LTBP3: variants seen among roughly 807,000 people sequenced by gnomAD.
LTBP3 encodes the protein latent-transforming growth factor beta-binding protein 3.
A neutral mutation model predicts 159.7 loss-of-function variants in LTBP3; 97 were observed. The observed-to-expected ratio is 0.61, with a 90% CI of 0.52 to 0.72. LTBP3 has a LOEUF of 0.72. Among genes scored for constraint, LTBP3 ranks in the 30% least tolerant of loss-of-function variants. The pLI, the probability that LTBP3 is intolerant of heterozygous loss-of-function variation, is 0.00. For missense variants in LTBP3, 1,584 were observed against 1,864.3 expected, an observed-to-expected ratio of 0.85 and a Z score of 2.77; for synonymous variants, 824 against 777.1, an observed-to-expected ratio of 1.06 and a Z score of -1.00.
At position 65,553,450 on chromosome 11, in the gene LTBP3, C is replaced by T. The variant is rs1308443987; in HGVS notation, c.945G>A (p.Lys315=). The change falls in exon 4 of 28, where the codon AAG becomes AAA. Residue 315 remains lysine, a synonymous_variant. Coordinates refer to ENST00000301873, the MANE Select transcript of LTBP3 (RefSeq NM_001130144.3). The surrounding 1 kb of genome is among the most constrained non-coding windows in gnomAD (Gnocchi z 6.5). Reference sequence around the variant, plus strand: ...ACTGCAGCTGGGGACACTTGTGGCACTTGCTCTGGCCCCAGGCAGTGCCGA... The same window carrying T: ...ACTGCAGCTGGGGACACTTGTGGCATTTGCTCTGGCCCCAGGCAGTGCCGA... ...GSIGTAWGQS[K]CHKCPQLQYT... 6.2e-7 allele frequency: 1 copy of T among 1,612,436 alleles called. No individual in the cohort carries two copies. The highest frequency in any genetic ancestry group is 8.5e-7 in the Non-Finnish European group (1 of 1,179,924).
At chr11:65,541,497 G>A (rs1856135709) in intron 19 of LTBP3, 103 bp downstream of exon 19, 4 of 1,579,976 alleles carry the variant, frequency 2.5e-6, no homozygotes, top group African/African-American at 1.3e-5. Flanking sequence ...GATTTCTTCC[G>A]GTTCCCCAAA....
chr11:65,547,707 C>G lies in LTBP3; in HGVS notation c.1961G>C (p.Gly654Ala). 1 of 1,605,682 alleles carries G rather than the reference C, an allele frequency of 6.2e-7. No homozygotes were observed. The highest frequency in any genetic ancestry group is 8.5e-7 in the Non-Finnish European group (1 of 1,177,622). Residue 654 changes from glycine (G) to alanine (A), a missense_variant, in exon 13 of 28, where the codon GGG becomes GCG. Gly to Ala is a moderately conservative substitution (Grantham distance 60, BLOSUM62 0). Around this residue, in one of 6 missense-constraint regions of LTBP3, gnomAD observed 565 missense variants for 677.7 expected, o/e 0.83. Transcript: ENST00000301873. This position sits in a 1 kb window ranked among gnomAD's most constrained non-coding sequence, Gnocchi z 4.6. ...NRGYRLHVGAGGRSCVDLNEC... is the reference protein window; with the variant it reads ...NRGYRLHVGAAGRSCVDLNEC... ...GCGCTCACCCACGCACGAGCGCCCC[C>G]CGGCGCCCACGTGCAGGCGGTAGCC...
At chr11:65,550,193 A>G (rs971311953) in intron 11 of LTBP3, among the ~76,000 whole-genome samples, 15 of 152,096 alleles carry the variant, frequency 9.9e-5, no homozygotes, top group Admixed American at 3.3e-4. Context: ...GCGGATCACA[A>G]GGTCAGGAGA....
Position 65,538,955 on chromosome 11 carries a change from CG to C in LTBP3, c.*124del. 1 of 1,313,072 alleles carries C rather than the reference CG, an allele frequency of 7.6e-7. No individual in the cohort carries two copies. The highest frequency in any genetic ancestry group is 9.7e-7 in the Non-Finnish European group (1 of 1,032,366). 81.3% of individuals were successfully genotyped at this position (1,313,072 alleles called of 1,614,324 possible). On this transcript the variant is annotated 3_prime_UTR_variant, in exon 28 of 28. Transcript: ENST00000301873. ...AGGGGCGCCTCGGGTCTCAAGGCGC[CG>C]GGAGGGTCTGCGGGCCCTGAAGGTC...
Position 65,553,309 on chromosome 11 carries a change from G to A in LTBP3, c.971-53C>T, listed in dbSNP as rs4244811. The stretch of plus-strand genomic sequence containing the variant: ...GAGGGTGAGGAGGGAACTGGGGAGG[G>A]GCACAGCAGATGTAGAGAGGAATCT... On this transcript the variant is annotated intron_variant, in intron 4 of 27. Transcript: ENST00000301873. This position sits in a 1 kb window ranked among gnomAD's most constrained non-coding sequence, Gnocchi z 6.5. 996,085 of 1,491,642 alleles carry A rather than the reference G, an allele frequency of 0.67. 336,507 individuals carry two copies. Among genetic ancestry groups the A allele is most frequent in the Admixed American group, 0.71 (42,008 of 59,166 alleles). 92.4% of individuals were successfully genotyped at this position (1,491,642 alleles called of 1,614,324 possible).
rs916535928 is a variant in LTBP3 at position 65,546,681 on chromosome 11, G to A, written c.2230+117C>T. On this transcript the variant is annotated intron_variant, in intron 15 of 27. Transcript: ENST00000301873. The surrounding 1 kb of genome is among the most constrained non-coding windows in gnomAD (Gnocchi z 4.0). ...GGTTGAGAGGGCAGCCTCTACTCCC[G>A]GAAGGCCCCGCCCCCAGACGCCAAT... is the stretch of plus-strand genomic sequence containing the variant. 84 of 1,541,786 alleles carry A rather than the reference G, an allele frequency of 5.4e-5. No homozygotes were observed. The highest frequency in any genetic ancestry group is 7.1e-5 in the Non-Finnish European group (81 of 1,147,278).
At position 65,540,053 on chromosome 11, in the gene LTBP3, C is replaced by G. The variant is rs1442154228; in HGVS notation, c.3345G>C (p.Gly1115=). Residue 1115 remains glycine (G), a synonymous_variant, in exon 24 of 28, where the codon GGG becomes GGC. Transcript: ENST00000301873. ...RCECRPPWVP[G]PSGRDCQLPE... ...GGAGCTGGCAATCGCGGCCGGAGGG[C>G]CCGGGCACCCAGGGCGGGCGACACT... The G allele has an allele frequency of 1.3e-6, 2 of 1,520,678 alleles. No homozygotes were observed. The highest frequency in any genetic ancestry group is 8.8e-7 in the Non-Finnish European group (1 of 1,139,838). The allele number at this position is 1,520,678 out of a possible 1,614,324, so 94.2% of individuals were successfully genotyped here.
rs754349621 is a variant in LTBP3, at chr11:65,546,607, G to T, written c.2231-43C>A. 1 of 1,597,822 alleles carries T rather than the reference G, an allele frequency of 6.3e-7. No individual in the cohort carries two copies. Among genetic ancestry groups the T allele is most frequent in the Admixed American group, 1.7e-5 (1 of 59,906 alleles). On this transcript the variant is annotated intron_variant, in intron 15 of 27. Coordinates refer to ENST00000301873, the MANE Select transcript of LTBP3 (RefSeq NM_001130144.3). This position sits in a 1 kb window ranked among gnomAD's most constrained non-coding sequence, Gnocchi z 4.0. ...AGCCTCGGACTCTGCCCCACCGGAA[G>T]GCGGACCGCGCACCTCGCGGGGGTG... is the stretch of plus-strand genomic sequence containing the variant.
Position 65,553,869 on chromosome 11 carries a change from G to C in LTBP3, c.696C>G (p.Val232=), listed in dbSNP as rs1856707126. 4 of 1,558,530 alleles carry C rather than the reference G, an allele frequency of 2.6e-6. No homozygotes were observed. The highest frequency in any genetic ancestry group is 3.5e-6 in the Non-Finnish European group (4 of 1,158,906). ...QAPPPVVNVR[V]HHPPEASVQV... ...GGACTGAGGCCTCGGGCGGGTGATGGACGCGCACATTCACCACGGGGGGCG... is the reference window on the plus strand; with the variant it reads ...GGACTGAGGCCTCGGGCGGGTGATGCACGCGCACATTCACCACGGGGGGCG... Residue 232 remains valine, a synonymous_variant, in exon 3 of 28, where the codon GTC becomes GTG. Coordinates refer to ENST00000301873, the MANE Select transcript of LTBP3 (RefSeq NM_001130144.3). The surrounding 1 kb of genome is among the most constrained non-coding windows in gnomAD (Gnocchi z 6.5).
Position 65,546,886 on chromosome 11 carries a change from C to A in LTBP3, c.2142G>T (p.Pro714=), listed in dbSNP as rs373999629. The change falls in exon 15 of 28, where the codon CCG becomes CCT. Residue 714 remains proline (P), a synonymous_variant. Coordinates refer to ENST00000301873, the MANE Select transcript of LTBP3 (RefSeq NM_001130144.3). This position sits in a 1 kb window ranked among gnomAD's most constrained non-coding sequence, Gnocchi z 4.0. ...CGGGCTTGTTCTCGCATTTGCCATCCGGGCAAGAGCTTGGGTCCCGGCACT... is the reference window on the plus strand; with the variant it reads ...CGGGCTTGTTCTCGCATTTGCCATCAGGGCAAGAGCTTGGGTCCCGGCACT... ...IDECRDPSSC[P]DGKCENKPGS... is the part of the protein sequence containing the mutation. 1 of 1,612,584 alleles carries A rather than the reference C, an allele frequency of 6.2e-7. No individual in the cohort carries two copies. Among genetic ancestry groups the A allele is most frequent in the Non-Finnish European group, 8.5e-7 (1 of 1,179,972 alleles).
Position 65,541,267 on chromosome 11 carries a change from CCTT to C in LTBP3, c.2749_2751del (p.Lys917del), listed in dbSNP as rs749595547. ...GTGTCATCGAAGTTCAGGTAGCACT[CCTT>C]CTTGTGGTGGGGCTGCTCCACCTCT... On this transcript the variant is annotated inframe_deletion, in exon 20 of 28. Coordinates refer to ENST00000301873, the MANE Select transcript of LTBP3 (RefSeq NM_001130144.3). The C allele has an allele frequency of 2.0e-4, 318 of 1,612,940 alleles. No individual in the cohort carries two copies. The highest frequency in any genetic ancestry group is 4.5e-4 in the Admixed American group (27 of 60,032).
chr11:65,553,815 G>C lies in LTBP3; in HGVS notation c.750C>G (p.Ala250=). ...VQVHRIESSN[A]ESAAPSQHLL... ...GGTGCTGGGAGGGGGCTGCGCTCTC[G>C]GCGTTCGAGCTCTCAATGCGGTGCA... Residue 250 remains alanine (A), a synonymous_variant, in exon 3 of 28, where the codon GCC becomes GCG. Coordinates refer to ENST00000301873, the MANE Select transcript of LTBP3 (RefSeq NM_001130144.3). The surrounding 1 kb of genome is among the most constrained non-coding windows in gnomAD (Gnocchi z 6.5). The C allele has an allele frequency of 6.4e-7, 1 of 1,561,894 alleles. No individual in the cohort carries two copies. The highest frequency in any genetic ancestry group is 8.6e-7 in the Non-Finnish European group (1 of 1,161,406).
Position 65,557,833 on chromosome 11 carries a change from C to A in LTBP3, c.127G>T (p.Gly43Trp), listed in dbSNP as rs1481532475. ...GCGCCCCGCTCGCCGGCCGGCCCCC[C>A]CTCGACCCTGCCGCCCAGGCCCAGC... ...LLLGLGGRVE[G>W]GPAGERGAGG... Residue 43 changes from glycine (G) to tryptophan (W), a missense_variant, in exon 1 of 28, where the codon GGG becomes TGG. Physicochemically the swap from Gly to Trp is radical, Grantham distance 184 (BLOSUM62 -2). Transcript: ENST00000301873. 2 of 1,424,912 alleles carry A rather than the reference C, an allele frequency of 1.4e-6. No homozygotes were observed. Among genetic ancestry groups the A allele is most frequent in the African/African-American group, 1.5e-5 (1 of 66,820 alleles). 88.3% of individuals were successfully genotyped at this position (1,424,912 alleles called of 1,614,324 possible). A position where few individuals can be genotyped will look rare whatever the true frequency, so the allele number is the denominator to read the frequency against.
intron 11 of LTBP3, among the ~76,000 whole-genome samples, chr11:65,550,353 A>G (rs2135149225): frequency 6.6e-6 from 1 of 151,176 alleles, no homozygotes; most frequent in Non-Finnish European, 1.5e-5. Context: ...TGGAGCTTGC[A>G]GTGAGCCGAG....
Position 65,546,128 on chromosome 11 carries a change from G to T in LTBP3, c.2353+314C>A, listed in dbSNP as rs559209998. 3 of 395,310 alleles carry T rather than the reference G, an allele frequency of 7.6e-6. No individual in the cohort carries two copies. The highest frequency in any genetic ancestry group is 1.4e-5 in the Non-Finnish European group (3 of 218,174). 24.5% of individuals were successfully genotyped at this position (395,310 alleles called of 1,614,324 possible). The stretch of plus-strand genomic sequence containing the variant: ...TCAATGAGTCCCAGCCCCCAGCCCC[G>T]CCTCTTGGCGTATAATAAACAGGAG... On this transcript the variant is annotated intron_variant, in intron 16 of 27. Transcript: ENST00000301873. The surrounding 1 kb of genome is among the most constrained non-coding windows in gnomAD (Gnocchi z 4.0).
chr11:65,543,100 C>A lies in LTBP3; in HGVS notation c.2596+5G>T. On this transcript the variant is annotated splice_donor_5th_base_variant and intron_variant, in intron 18 of 27. Transcript: ENST00000301873. ...CCTCAGGAACCCTCAGCCAGTCCCC[C>A]ATACCTTGGCATTTCCTGCCACCCA... The A allele has an allele frequency of 6.2e-7, 1 of 1,613,926 alleles. No homozygotes were observed. The highest frequency in any genetic ancestry group is 8.5e-7 in the Non-Finnish European group (1 of 1,179,962).
chr11:65,547,022 G>T lies in LTBP3; in HGVS notation c.2108-102C>A, dbSNP rs1856402387. On this transcript the variant is annotated intron_variant, in intron 14 of 27. Coordinates refer to ENST00000301873, the MANE Select transcript of LTBP3 (RefSeq NM_001130144.3). The surrounding 1 kb of genome is among the most constrained non-coding windows in gnomAD (Gnocchi z 4.6). Reference sequence around the variant, plus strand: ...ACTTCCTCCCACACAGATCAACGAGGCTCCCGGACCCCAACCTCTGAGAGG... The same window carrying T: ...ACTTCCTCCCACACAGATCAACGAGTCTCCCGGACCCCAACCTCTGAGAGG... 6.5e-7 allele frequency: 1 copy of T among 1,534,740 alleles called. No homozygotes were observed. Among genetic ancestry groups the T allele is most frequent in the Non-Finnish European group, 8.9e-7 (1 of 1,128,298 alleles).
chr11:65,552,810 C>T lies in LTBP3; in HGVS notation c.1186+50G>A. 6.2e-7 allele frequency: 1 copy of T among 1,613,734 alleles called. No homozygotes were observed. The highest frequency in any genetic ancestry group is 8.5e-7 in the Non-Finnish European group (1 of 1,179,788). On this transcript the variant is annotated intron_variant, in intron 6 of 27. Coordinates refer to ENST00000301873, the MANE Select transcript of LTBP3 (RefSeq NM_001130144.3). This position sits in a 1 kb window ranked among gnomAD's most constrained non-coding sequence, Gnocchi z 6.0. ...GATCTCTTGCGATCTCTGATCCTTG[C>T]TCCCACCCATGCCTTGTGACCTCCC...
rs1400466914 is a variant in LTBP3 at position 65,553,407 on chromosome 11, CT to C, written c.970+17del. ...GGGGCCACCAGATAGGGAACGCCCC[CT>C]GAGCCCAAGCACTCACACTGCAGCT... On this transcript the variant is annotated intron_variant, in intron 4 of 27. Coordinates refer to ENST00000301873, the MANE Select transcript of LTBP3 (RefSeq NM_001130144.3). The surrounding 1 kb of genome is among the most constrained non-coding windows in gnomAD (Gnocchi z 6.5). The C allele has an allele frequency of 1.2e-6, 2 of 1,606,074 alleles. No homozygotes were observed. Among genetic ancestry groups the C allele is most frequent in the African/African-American group, 2.7e-5 (2 of 74,864 alleles).
Sources: gnomAD v4.1 joint callset for allele counts (sites outside exome capture counted in the v4.1 genomes callset) on GRCh38, gnomAD v4.1.1 for gene constraint, gnomAD v4.1.1 regional missense constraint, Gnocchi (gnomAD v3.1) non-coding constraint, MANE v1.5 for transcripts, NCBI Gene and HGNC (gene_info 2026-07-23, HGNC 2026-07-21) for gene names.